Variants in SLC5A1 observed in about 807,000 individuals in gnomAD.
The protein encoded by SLC5A1 is sodium/glucose cotransporter 1.
Under a neutral mutation model 73.5 loss-of-function variants are expected in SLC5A1, and 42 were observed. The ratio of observed to expected loss-of-function variants is 0.57; its 90% CI spans 0.45 to 0.74. SLC5A1 has a LOEUF of 0.74. Ranked by LOEUF, SLC5A1 falls within the 30% of genes least tolerant of loss-of-function variation. SLC5A1 has a pLI of 0.00. For synonymous variants in SLC5A1, 300 were observed against 317.4 expected (o/e 0.95, Z 0.58); for missense variants, 634 against 855.4 (o/e 0.74, Z 3.23).
intron 12 of SLC5A1, among the ~76,000 whole-genome samples, chr22:32,101,785 A>T (rs534845254): frequency 6.6e-6 from 1 of 152,204 alleles, no homozygotes; most frequent in East Asian, 1.9e-4. Flanking sequence ...TTGTTTAATG[A>T]TCGAGGTGAA....
At chr22:32,101,783 T>C (rs1435774475) in intron 12 of SLC5A1, among the ~76,000 whole-genome samples, 1 of 152,150 alleles carries the variant, frequency 6.6e-6, no homozygotes, top group Non-Finnish European at 1.5e-5. Context: ...CCTTGTTTAA[T>C]GATCGAGGTG....
chr22:32,077,080 C>G (rs2093992127), intron 5 of SLC5A1, among the ~76,000 whole-genome samples: 1 of 152,160 alleles, frequency 6.6e-6, no homozygotes, highest in African/African-American at 2.4e-5. Context: ...TACTCCCGGG[C>G]CCTTTACAGA....
chr22:32,060,042 CACACACACACATATATACACACACAT>C (rs1178124546), intron 2 of SLC5A1, among the ~76,000 whole-genome samples: 5 of 147,428 alleles, frequency 3.4e-5, no homozygotes, highest in Non-Finnish European at 6.1e-5. Flanking sequence ...CACACACACA[CACACACACACATATATACACACACAT>C]ATATATATAC....
At chr22:32,052,458 A>G (rs1251365404) in intron 2 of SLC5A1, among the ~76,000 whole-genome samples, 1 of 152,212 alleles carries the variant, frequency 6.6e-6, no homozygotes, top group Non-Finnish European at 1.5e-5. Context: ...GGTAGTCCCA[A>G]CACATGGGTG....
At chr22:32,072,886 G>T (rs920180885) in intron 5 of SLC5A1, among the ~76,000 whole-genome samples, 2 of 152,084 alleles carry the variant, frequency 1.3e-5, no homozygotes, top group Admixed American at 1.3e-4. Flanking sequence ...TGGGTTATGT[G>T]TCTATTTCTT....
chr22:32,094,163 A>G (rs977415194), intron 11 of SLC5A1, among the ~76,000 whole-genome samples: 1 of 152,130 alleles, frequency 6.6e-6, no homozygotes, highest in Admixed American at 6.5e-5. Context: ...CATATGTTAA[A>G]CCATCCCTGC....
chr22:32,066,288 C>T (rs1458884984), intron 2 of SLC5A1, among the ~76,000 whole-genome samples: 2 of 151,964 alleles, frequency 1.3e-5, no homozygotes. Flanking sequence ...CCGTGTGGTC[C>T]CTAGAACCTT....
At chr22:32,092,258 G>T (rs2149494422) in intron 11 of SLC5A1, among the ~76,000 whole-genome samples, 1 of 152,288 alleles carries the variant, frequency 6.6e-6, no homozygotes, top group South Asian at 2.1e-4. Context: ...TCATCCAGTT[G>T]CTGCGAATGC....
chr22:32,104,855 A>G lies in SLC5A1; in HGVS notation c.1735A>G (p.Asn579Asp), dbSNP rs372152513. ...TATTGACCTGGATGCGGAAGAGGAGAACATCCAAGAAGGCCCTAAGGAGAC... is the reference window on the plus strand; with the variant it reads ...TATTGACCTGGATGCGGAAGAGGAGGACATCCAAGAAGGCCCTAAGGAGAC... ...ERIDLDAEEE[N>D]IQEGPKETIE... The change falls in exon 14 of 15, where the codon AAC becomes GAC. Residue 579 changes from asparagine (N) to aspartate (D), a missense_variant. Physicochemically the swap from Asn to Asp is conservative, Grantham distance 23. Around this residue, in one of 3 missense-constraint regions of SLC5A1, gnomAD observed 161 missense variants for 178.7 expected, o/e 0.90. Transcript: ENST00000266088. 12 of 1,613,974 alleles carry G rather than the reference A, an allele frequency of 7.4e-6. No homozygotes were observed. The African/African-American group carries it at 1.3e-4, about 18-fold the overall frequency.
intron 10 of SLC5A1, among the ~76,000 whole-genome samples, chr22:32,089,045 T>C (rs1007152454): frequency 2.0e-5 from 3 of 152,246 alleles, no homozygotes; most frequent in Non-Finnish European, 4.4e-5. Flanking sequence ...GTTGAGTAAT[T>C]AAATGAATGG....
At chr22:32,081,312 G>A (rs1230995583) in intron 5 of SLC5A1, among the ~76,000 whole-genome samples, 4 of 152,150 alleles carry the variant, frequency 2.6e-5, no homozygotes, top group Non-Finnish European at 4.4e-5. Flanking sequence ...GAGGTGCTTG[G>A]TGATGTTCTG....
chr22:32,074,590 T>A (rs925535768), intron 5 of SLC5A1, among the ~76,000 whole-genome samples: 1 of 152,120 alleles, frequency 6.6e-6, no homozygotes, highest in Non-Finnish European at 1.5e-5. Flanking sequence ...CAGTCCAGAC[T>A]CTATACACTG....
chr22:32,058,369 T>A (rs1332439365), intron 2 of SLC5A1, among the ~76,000 whole-genome samples: 8 of 152,192 alleles, frequency 5.3e-5, no homozygotes, highest in East Asian at 1.9e-4. Flanking sequence ...AAAAATTTTT[T>A]TAAAATTCTA....
chr22:32,052,007 C>CA (rs2093945722), intron 2 of SLC5A1, among the ~76,000 whole-genome samples: 1 of 152,192 alleles, frequency 6.6e-6, no homozygotes, highest in Non-Finnish European at 1.5e-5. Context: ...TTCTTCTTTG[C>CA]AACTGAAACC....
intron 2 of SLC5A1, among the ~76,000 whole-genome samples, chr22:32,055,107 C>T (rs2093949851): frequency 6.6e-6 from 1 of 152,166 alleles, no homozygotes; most frequent in Non-Finnish European, 1.5e-5. Context: ...AGTGGAAGAC[C>T]TCACCTGCCT....
At position 32,068,574 on chromosome 22, in the gene SLC5A1, C is replaced by A. The variant is rs202151119; in HGVS notation, c.451C>A (p.Leu151Met). The A allele has an allele frequency of 5.0e-6, 8 of 1,613,512 alleles. No homozygotes were observed. The highest frequency in any genetic ancestry group is 3.3e-5 in the Admixed American group (2 of 59,990). Residue 151 changes from leucine to methionine, a missense_variant, in exon 5 of 15, where the codon CTG becomes ATG. By Grantham distance (15) the Leu-to-Met change is conservative. This residue lies in a region of SLC5A1 where 422 missense variants were observed against 626.1 expected (regional missense o/e 0.67). Coordinates refer to ENST00000266088, the MANE Select transcript of SLC5A1 (RefSeq NM_000343.4). ...GGTCTACCTTTCCCTTCTGTCCCTG[C>A]TGCTCTACATTTTCACCAAGATCTC... Reference protein sequence around the residue: ...IQVYLSLLSLLLYIFTKISAD... With the variant: ...IQVYLSLLSLMLYIFTKISAD...
intron 11 of SLC5A1, among the ~76,000 whole-genome samples, chr22:32,094,218 GAT>G (rs1440466378): frequency 6.6e-6 from 1 of 152,078 alleles, no homozygotes; most frequent in Non-Finnish European, 1.5e-5. Context: ...TTATCTTTTT[GAT>G]ATGTTTTGAG....
intron 13 of SLC5A1, among the ~76,000 whole-genome samples, chr22:32,104,316 G>A (rs1207569142): frequency 6.6e-6 from 1 of 152,204 alleles, no homozygotes; most frequent in Non-Finnish European, 1.5e-5. Context: ...TCATGCTCTT[G>A]ACTATGTCAA....
chr22:32,083,833 G>C (rs1483855741), intron 7 of SLC5A1, among the ~76,000 whole-genome samples: 1 of 152,164 alleles, frequency 6.6e-6, no homozygotes, highest in Non-Finnish European at 1.5e-5. Context: ...CCACTCTTCT[G>C]TTTTCTAAGG....
Sources: gnomAD v4.1 joint callset for allele counts (sites outside exome capture counted in the v4.1 genomes callset) on GRCh38, gnomAD v4.1.1 for gene constraint, gnomAD v4.1.1 regional missense constraint, MANE v1.5 for transcripts, NCBI Gene and HGNC (gene_info 2026-07-23, HGNC 2026-07-21) for gene names.